The following NCAM2 variants were observed in gnomAD, a reference collection of about 807,000 sequenced individuals.
NCAM2 encodes the protein neural cell adhesion molecule 2.
A neutral mutation model predicts 98.1 loss-of-function variants in NCAM2; 30 were observed. The ratio of observed to expected loss-of-function variants is 0.31; its 90% confidence interval spans 0.23 to 0.41. The LOEUF is 0.41. NCAM2 is among the 10% of genes least tolerant of loss of function. The pLI is 1.00. For synonymous variants in NCAM2, 368 were observed against 342.4 expected (o/e 1.07, Z -0.83); for missense variants, 867 against 1,005.8 (o/e 0.86, Z 1.87).
chr21:21,318,551 T>C (rs1436176622), intron 5 of NCAM2, among the ~76,000 whole-genome samples: 3 of 152,214 alleles, frequency 2.0e-5, no homozygotes, highest in Non-Finnish European at 4.4e-5. Context: ...TTTTTTAATT[T>C]GTTCATTTAT....
intron 12 of NCAM2, among the ~76,000 whole-genome samples, chr21:21,452,823 AAT>A (rs1336461865): frequency 5.8e-5 from 6 of 102,892 alleles, no homozygotes; most frequent in South Asian, 5.5e-4. Flanking sequence ...TATATTATAT[AAT>A]ATATATAATA....
At chr21:21,141,119 T>C (rs984353093) in intron 1 of NCAM2, among the ~76,000 whole-genome samples, 1 of 152,178 alleles carries the variant, frequency 6.6e-6, no homozygotes, top group African/African-American at 2.4e-5. Context: ...CATGATAAAA[T>C]TAGAAGACAT....
chr21:21,466,693 G>A lies in NCAM2; in HGVS notation c.1742G>A (p.Ser581Asn). 6.2e-7 allele frequency: 1 copy of A among 1,609,094 alleles called. No homozygotes were observed. Among genetic ancestry groups the A allele is most frequent in the Non-Finnish European group, 8.5e-7 (1 of 1,177,054 alleles). ...AVNGKGQGDY[S>N]KIEIFQTLPV... ...AATGGAAAGGGACAAGGAGACTACA[G>A]TAAAATAGAAATCTTCCAAACATTA... The change falls in exon 13 of 18, where the codon AGT becomes AAT. Residue 581 changes from serine (S) to asparagine (N), a missense_variant. This residue lies in a region of NCAM2 where 234 missense variants were observed against 333.8 expected (regional missense o/e 0.70). Coordinates refer to ENST00000400546, the MANE Select transcript of NCAM2 (RefSeq NM_004540.5).
At chr21:21,220,526 T>C (rs2070104696) in intron 1 of NCAM2, among the ~76,000 whole-genome samples, 1 of 152,104 alleles carries the variant, frequency 6.6e-6, no homozygotes, top group Non-Finnish European at 1.5e-5. Context: ...AATGATAAAA[T>C]TACCTAAGGA....
rs200071466 is a variant in NCAM2 at position 21,324,438 on chromosome 21, A to C, written c.675A>C (p.Gly225=). The C allele has an allele frequency of 8.3e-4, 1,332 of 1,613,780 alleles. 29 individuals are homozygous for C. The South Asian group carries it at 0.014, about 17-fold the overall frequency. The change falls in exon 6 of 18, where the codon GGA becomes GGC. Residue 225 remains glycine, a synonymous_variant. Transcript: ENST00000400546. ...CTTTTAATGCCACAGCAGAGAGAGGAGAAGAAATGACATTTTCCTGCAGGG... is the reference window on the plus strand; with the variant it reads ...CTTTTAATGCCACAGCAGAGAGAGGCGAAGAAATGACATTTTCCTGCAGGG... The part of the protein sequence containing the change: ...QKSFNATAER[G]EEMTFSCRAS...
chr21:21,057,330 C>T (rs1387146123), intron 1 of NCAM2, among the ~76,000 whole-genome samples: 2 of 152,060 alleles, frequency 1.3e-5, no homozygotes, highest in African/African-American at 2.4e-5. Flanking sequence ...GTGCAATTAC[C>T]TATGAATGGG....
intron 11 of NCAM2, among the ~76,000 whole-genome samples, chr21:21,430,991 T>C (rs1389606775): frequency 1.5e-5 from 2 of 136,310 alleles, no homozygotes; most frequent in African/African-American, 5.7e-5. Context: ...GAGGTTGCAG[T>C]GAGCTGAGAT....
At position 21,540,530 on chromosome 21, in the gene NCAM2, A is replaced by G. The variant is rs1356543370; in HGVS notation, c.*2573A>G. 1 of 152,014 alleles carries G rather than the reference A, an allele frequency of 6.6e-6. No homozygotes were observed. The highest frequency in any genetic ancestry group is 2.4e-5 in the African/African-American group (1 of 41,418). The allele number at this position is 152,014 out of a possible 1,614,324, so 9.4% of individuals were successfully genotyped here. On this transcript the variant is annotated 3_prime_UTR_variant, in exon 18 of 18. Transcript: ENST00000400546. The stretch of plus-strand genomic sequence containing the variant: ...CTCCAAATGATTTATAAAAATTTCA[A>G]AATAAAAGATGGCTTGTAGTAAATT...
chr21:21,411,071 C>CATATATGTGTGTGTATATATAT (rs1471958720), intron 10 of NCAM2, among the ~76,000 whole-genome samples: 1 of 8,308 alleles, frequency 1.2e-4, no homozygotes, highest in African/African-American at 5.4e-4. Context: ...TATATATATA[C>CATATATGTGTGTGTATATATAT]ACACACATAT....
chr21:21,175,822 A>C (rs372161567), intron 1 of NCAM2, among the ~76,000 whole-genome samples: 5 of 152,334 alleles, frequency 3.3e-5, no homozygotes, highest in South Asian at 2.1e-4. Flanking sequence ...GTACTGTGGT[A>C]GGTATACACA....
At chr21:21,455,021 G>C (rs181435063) in intron 12 of NCAM2, among the ~76,000 whole-genome samples, 2 of 151,770 alleles carry the variant, frequency 1.3e-5, no homozygotes, top group East Asian at 1.9e-4. Context: ...TAGCAATTAG[G>C]ATTACTAATT....
chr21:21,181,217 A>G (rs73894495), intron 1 of NCAM2, among the ~76,000 whole-genome samples: 3,394 of 152,180 alleles, frequency 0.022, 117 homozygotes, highest in African/African-American at 0.077. Context: ...GTAGGAAGAA[A>G]AGGACTTTTG....
chr21:21,392,461 A>G (rs1256668210), intron 9 of NCAM2, among the ~76,000 whole-genome samples: 1 of 152,224 alleles, frequency 6.6e-6, no homozygotes, highest in African/African-American at 2.4e-5. Context: ...CTTTGGGTAT[A>G]TACCCAGTAA....
chr21:21,046,832 CA>C lies in NCAM2; in HGVS notation c.55+48218del, dbSNP rs551805716. On this transcript the variant is annotated intron_variant, in intron 1 of 17. Transcript: ENST00000400546. ...ACAAAAATCTAGTCCTGCTGCTTGA[CA>C]AAATAGTATGAGAAAAAAGCAGACA... is the stretch of plus-strand genomic sequence containing the variant. 8.5e-5 allele frequency among the ~76,000 whole-genome samples: 13 copies of C among 152,120 alleles called. No individual in the cohort carries two copies. In the South Asian group the frequency reaches 2.3e-3, roughly 27 times the overall value.
intron 1 of NCAM2, among the ~76,000 whole-genome samples, chr21:21,007,539 A>G (rs2064133856): frequency 6.6e-6 from 1 of 152,140 alleles, no homozygotes; most frequent in Non-Finnish European, 1.5e-5. Context: ...TTTCTGGGAA[A>G]GGGGTGGGCA....
At position 21,018,692 on chromosome 21, in the gene NCAM2, G is replaced by C. The variant is rs189181100; in HGVS notation, c.55+20074G>C. On this transcript the variant is annotated intron_variant, in intron 1 of 17. Coordinates refer to ENST00000400546, the MANE Select transcript of NCAM2 (RefSeq NM_004540.5). The stretch of plus-strand genomic sequence containing the variant: ...GTAAAGAGCTTTTGTGAGGTATGTT[G>C]GTTCTGTTTTTCATATAAAGCATTT... 1.5e-3 allele frequency among the ~76,000 whole-genome samples: 221 copies of C among 152,190 alleles called. 2 individuals are homozygous for C. Among genetic ancestry groups the C allele is most frequent in the African/African-American group, 5.3e-3 (219 of 41,528 alleles).
intron 1 of NCAM2, among the ~76,000 whole-genome samples, chr21:21,157,858 C>G (rs1339798894): frequency 1.3e-5 from 2 of 152,060 alleles, no homozygotes; most frequent in African/African-American, 4.8e-5. Context: ...ATCAAGCATC[C>G]TTTTTGGAAA....
chr21:21,080,247 C>T (rs1424301878), intron 1 of NCAM2, among the ~76,000 whole-genome samples: 2 of 152,044 alleles, frequency 1.3e-5, no homozygotes, highest in Non-Finnish European at 2.9e-5. Context: ...ATGATTACAT[C>T]ACATTAAAGC....
intron 14 of NCAM2, among the ~76,000 whole-genome samples, chr21:21,473,903 C>CAA (rs5842929): frequency 0.016 from 2,183 of 136,208 alleles, 40 homozygotes; most frequent in African/African-American, 0.049. Flanking sequence ...ATTTTCTGAC[C>CAA]AAAAAAAAAA....
Sources: allele counts gnomAD v4.1 joint callset (sites outside exome capture counted in the v4.1 genomes callset), GRCh38; gene constraint gnomAD v4.1.1; regional missense constraint gnomAD v4.1.1; transcripts MANE v1.5; gene names NCBI Gene and HGNC (gene_info 2026-07-23, HGNC 2026-07-21).